Variants in NAV3 observed in about 807,000 individuals in gnomAD.
NAV3 encodes pore membrane and/or filament interacting like protein 1.
In NAV3, 87 loss-of-function variants were observed where a neutral mutation model predicts 244.7. The ratio of observed to expected loss-of-function variants is 0.36; its 90% CI spans 0.30 to 0.42. NAV3 has a LOEUF of 0.42. NAV3 is among the 20% of genes least tolerant of loss of function. NAV3 has a pLI of 1.00. For synonymous variants in NAV3, 1,126 were observed against 1,042.2 expected (o/e 1.08, Z -1.55); for missense variants, 2,663 against 2,893.3 (o/e 0.92, Z 1.83).
intron 1 of NAV3, among the ~76,000 whole-genome samples, chr12:77,929,207 T>C (rs1478865508): frequency 1.3e-5 from 2 of 152,244 alleles, no homozygotes; most frequent in Non-Finnish European, 2.9e-5. Flanking sequence ...AATATATTAA[T>C]TAAGGACTTG....
chr12:77,904,165 A>C (rs966492139), intron 1 of NAV3, among the ~76,000 whole-genome samples: 1 of 152,246 alleles, frequency 6.6e-6, no homozygotes, highest in African/African-American at 2.4e-5. Context: ...AAAGATTATA[A>C]ATCATGCTGC....
At chr12:77,611,687 A>G (rs1161620805) in intron 2 of NAV3, among the ~76,000 whole-genome samples, 1 of 151,956 alleles carries the variant, frequency 6.6e-6, no homozygotes, top group Non-Finnish European at 1.5e-5. Flanking sequence ...TATATATATA[A>G]CACAGTCTTA....
At chr12:78,125,726 G>A (rs1955878618) in intron 16 of NAV3, among the ~76,000 whole-genome samples, 1 of 152,154 alleles carries the variant, frequency 6.6e-6, no homozygotes, top group Admixed American at 6.5e-5. Flanking sequence ...TGCAGAAATT[G>A]TCTATGTTAG....
At chr12:77,586,431 C>G (rs1159077236) in intron 2 of NAV3, among the ~76,000 whole-genome samples, 1 of 152,146 alleles carries the variant, frequency 6.6e-6, no homozygotes, top group African/African-American at 2.4e-5. Flanking sequence ...TTTATTTTCA[C>G]TCAAAGATAA....
chr12:77,870,364 A>C (rs1880758707), intron 1 of NAV3, among the ~76,000 whole-genome samples: 2 of 33,962 alleles, frequency 5.9e-5, no homozygotes, highest in Non-Finnish European at 1.8e-4. Flanking sequence ...ACTCCATCTC[A>C]AAAAAAAAAA....
intron 1 of NAV3, among the ~76,000 whole-genome samples, chr12:77,919,935 C>T (rs1189504825): frequency 1.3e-5 from 2 of 151,958 alleles, no homozygotes; most frequent in Non-Finnish European, 2.9e-5. Context: ...CCCATGATTT[C>T]TCCAGAAGAC....
At chr12:77,951,629 T>C (rs550331340) in intron 3 of NAV3, among the ~76,000 whole-genome samples, 156 of 152,270 alleles carry the variant, frequency 1.0e-3, no homozygotes, top group Non-Finnish European at 1.9e-3. Context: ...CGTATGTTCA[T>C]TGCGGCACTA....
chr12:77,600,693 A>G (rs1420399681), intron 2 of NAV3, among the ~76,000 whole-genome samples: 4 of 151,948 alleles, frequency 2.6e-5, no homozygotes, highest in Non-Finnish European at 5.9e-5. Context: ...TGGCAAAGCT[A>G]GAGAGAAATG....
chr12:77,622,712 A>G (rs1871433741), intron 2 of NAV3, among the ~76,000 whole-genome samples: 1 of 152,106 alleles, frequency 6.6e-6, no homozygotes, highest in Admixed American at 6.6e-5. Flanking sequence ...AATCACTGTG[A>G]ACCACTGTGA....
chr12:77,669,832 A>G (rs1176904649), intron 2 of NAV3, among the ~76,000 whole-genome samples: 1 of 152,108 alleles, frequency 6.6e-6, no homozygotes, highest in Non-Finnish European at 1.5e-5. Flanking sequence ...GACTTAAACT[A>G]TACAACAAAT....
intron 2 of NAV3, among the ~76,000 whole-genome samples, chr12:77,620,511 G>A (rs1284202024): frequency 6.6e-6 from 1 of 151,608 alleles, no homozygotes; most frequent in Non-Finnish European, 1.5e-5. Context: ...TGCCTAGGCT[G>A]GAGTGCAGTG....
intron 23 of NAV3, among the ~76,000 whole-genome samples, chr12:78,167,754 C>G (rs149186376): frequency 3.7e-4 from 56 of 151,636 alleles, no homozygotes; most frequent in African/African-American, 1.2e-3. Flanking sequence ...AATTCTCCCT[C>G]TAAGAGGCTG....
chr12:77,667,872 C>G (rs536419221), intron 2 of NAV3, among the ~76,000 whole-genome samples: 14 of 152,296 alleles, frequency 9.2e-5, no homozygotes, highest in South Asian at 4.1e-4. Context: ...AACAGAAATA[C>G]AACCAAGACT....
chr12:77,586,948 A>G (rs1054959750), intron 2 of NAV3, among the ~76,000 whole-genome samples: 6 of 152,184 alleles, frequency 3.9e-5, no homozygotes, highest in Non-Finnish European at 1.5e-5. Flanking sequence ...AAGCCAGAGG[A>G]ACAAGAACAG....
At chr12:78,109,031 C>T (rs181490245) in intron 12 of NAV3, among the ~76,000 whole-genome samples, 1 of 151,488 alleles carries the variant, frequency 6.6e-6, no homozygotes, top group Non-Finnish European at 1.5e-5. Context: ...GGTTATTCAA[C>T]AAGATAAATA....
At chr12:77,760,360 C>A (rs1457564874) in intron 2 of NAV3, among the ~76,000 whole-genome samples, 2 of 152,204 alleles carry the variant, frequency 1.3e-5, no homozygotes, top group Non-Finnish European at 2.9e-5. Flanking sequence ...AACCACAGAG[C>A]AGCATGCAAG....
exon 2 of NAV3, chr12:77,572,107 G>C (rs960818875): frequency 6.5e-6 from 1 of 154,310 alleles, no homozygotes; most frequent in South Asian, 2.0e-4. Flanking sequence ...GGAACGTGGC[G>C]GGCCAGTGTG....
intron 1 of NAV3, among the ~76,000 whole-genome samples, chr12:77,916,893 T>A (rs1477257074): frequency 6.6e-6 from 1 of 151,912 alleles, no homozygotes; most frequent in Non-Finnish European, 1.5e-5. Flanking sequence ...AAATACCAAA[T>A]ACATAGAAGA....
intron 2 of NAV3, among the ~76,000 whole-genome samples, chr12:77,795,631 A>G (rs1871372179): frequency 6.6e-6 from 1 of 152,166 alleles, no homozygotes; most frequent in African/African-American, 2.4e-5. Context: ...ATGGAAGTAT[A>G]TGTCATCTAA....
Sources: gnomAD v4.1 joint callset for allele counts (sites outside exome capture counted in the v4.1 genomes callset) on GRCh38, gnomAD v4.1.1 for gene constraint, MANE v1.5 for transcripts, NCBI Gene and HGNC (gene_info 2026-07-23, HGNC 2026-07-21) for gene names.